The following RGS20 variants were observed in gnomAD, a reference collection of about 807,000 sequenced individuals.
RGS20 encodes the protein regulator of G protein signaling 20, also known as gz-selective GTPase-activating protein.
A neutral mutation model predicts 33.6 loss-of-function variants in RGS20; 30 were observed. The observed-to-expected ratio is 0.89, with a 90% CI of 0.67 to 1.21. The LOEUF (loss-of-function observed/expected upper bound fraction) is 1.21. RGS20 is among the 50% of genes most tolerant of loss of function. RGS20 has a pLI of 0.00. For synonymous variants in RGS20, 208 were observed against 197.9 expected, an observed-to-expected ratio of 1.05 and a Z score of -0.43; for missense variants, 472 against 502.4, an observed-to-expected ratio of 0.94 and a Z score of 0.58.
intron 1 of RGS20, among the ~76,000 whole-genome samples, chr8:53,854,197 A>T (rs553845211): frequency 1.3e-5 from 2 of 152,324 alleles, no homozygotes; most frequent in South Asian, 4.1e-4. Context: ...GACACCAAAA[A>T]ATCATGATCC....
chr8:53,878,600 C>T (rs193146393), intron 1 of RGS20, among the ~76,000 whole-genome samples: 1 of 152,286 alleles, frequency 6.6e-6, no homozygotes, highest in Non-Finnish European at 1.5e-5. Flanking sequence ...CCGGTGTCCC[C>T]AGCTCCACGC....
intron 1 of RGS20, among the ~76,000 whole-genome samples, chr8:53,870,020 G>T (rs1285151957): frequency 6.6e-6 from 1 of 152,176 alleles, no homozygotes; most frequent in Admixed American, 6.5e-5. Flanking sequence ...AGATGGGGGA[G>T]TAGGAGTGAT....
intron 2 of RGS20, among the ~76,000 whole-genome samples, chr8:53,888,638 G>A (rs867601359): frequency 6.6e-6 from 1 of 152,006 alleles, no homozygotes; most frequent in South Asian, 2.1e-4. Flanking sequence ...GTCCTCTGGG[G>A]CCAAAATCAC....
intron 2 of RGS20, among the ~76,000 whole-genome samples, chr8:53,906,152 A>G (rs1233674066): frequency 2.0e-5 from 3 of 152,160 alleles, no homozygotes; most frequent in East Asian, 3.9e-4. Context: ...GCGGTGGTTC[A>G]TGCTTGTAAT....
intron 1 of RGS20, among the ~76,000 whole-genome samples, chr8:53,867,281 C>T (rs1473737597): frequency 6.6e-6 from 1 of 152,078 alleles, no homozygotes; most frequent in Non-Finnish European, 1.5e-5. Context: ...AAAAAATATT[C>T]TGAGCAACTC....
intron 2 of RGS20, among the ~76,000 whole-genome samples, chr8:53,898,643 T>C (rs1356924806): frequency 2.6e-5 from 4 of 152,386 alleles, no homozygotes; most frequent in South Asian, 4.1e-4. Flanking sequence ...ATGTATGAGA[T>C]TGAATACAGT....
intron 2 of RGS20, among the ~76,000 whole-genome samples, chr8:53,884,679 A>G (rs1258228040): frequency 6.6e-6 from 1 of 152,198 alleles, no homozygotes; most frequent in South Asian, 2.1e-4. Context: ...CTTACACACC[A>G]CACTGCTGAT....
At chr8:53,883,622 C>T (rs905022879) in intron 2 of RGS20, among the ~76,000 whole-genome samples, 1 of 152,082 alleles carries the variant, frequency 6.6e-6, no homozygotes, top group Admixed American at 6.6e-5. Flanking sequence ...GTTTCATCAT[C>T]TGTGAAATGG....
intron 1 of RGS20, among the ~76,000 whole-genome samples, chr8:53,866,582 A>G (rs1220047820): frequency 6.6e-6 from 1 of 151,890 alleles, no homozygotes; most frequent in East Asian, 1.9e-4. Context: ...GGGTTTCACC[A>G]TTTTGGCCAG....
At chr8:53,879,959 G>T in intron 2 of RGS20, 1 of 254,304 alleles carries the variant, frequency 3.9e-6, no homozygotes, top group Non-Finnish European at 7.4e-6. Flanking sequence ...GCCTCCGCCT[G>T]CTCCCAGCGC....
At position 53,958,649 on chromosome 8, in the gene RGS20, G is replaced by GAA; in HGVS notation, c.*201_*202dup. 1.1e-4 allele frequency: 29 copies of GAA among 271,698 alleles called. No individual in the cohort carries two copies. The highest frequency in any genetic ancestry group is 1.3e-4 in the Non-Finnish European group (20 of 152,074). The allele number at this position is 271,698 out of a possible 1,614,324, so 16.8% of individuals were successfully genotyped here. A position where few individuals can be genotyped will look rare whatever the true frequency, so the allele number is the denominator to read the frequency against. On this transcript the variant is annotated 3_prime_UTR_variant, in exon 6 of 6. Transcript: ENST00000297313. ...TGCAGCCACCTTTAGTGATACTTTTGAAAAAAAAAAATAAAGGGATATGGC... is the reference window on the plus strand; with the variant it reads ...TGCAGCCACCTTTAGTGATACTTTTGAAAAAAAAAAAAATAAAGGGATATGGC...
At chr8:53,932,370 C>A (rs1405732139) in intron 2 of RGS20, among the ~76,000 whole-genome samples, 1 of 152,188 alleles carries the variant, frequency 6.6e-6, no homozygotes, top group Non-Finnish European at 1.5e-5. Flanking sequence ...AAGCTAAGAT[C>A]CAATGGCTTG....
At position 53,877,268 on chromosome 8, in the gene RGS20, C is replaced by T. The variant is rs557920046; in HGVS notation, c.166-1990C>T. The stretch of plus-strand genomic sequence containing the variant: ...AACCCGGCTGGTCCTCTCTCGACTT[C>T]TTAGCGTGGGGTCCCGCCGGCCCTG... On this transcript the variant is annotated intron_variant, in intron 1 of 5. Coordinates refer to ENST00000297313, the MANE Select transcript of RGS20 (RefSeq NM_170587.4). This position sits in a 1 kb window ranked among gnomAD's most constrained non-coding sequence, Gnocchi z 5.7. Among the ~76,000 whole-genome samples, 26 of 152,338 alleles carry T rather than the reference C, an allele frequency of 1.7e-4. 1 individual carries two copies. The East Asian group carries it at 4.6e-3, about 27-fold the overall frequency.
Position 53,901,053 on chromosome 8 carries a change from T to C in RGS20, c.510+21451T>C, listed in dbSNP as rs1454055861. ...CAACAGCAACATGCCCTGGCCTTCA[T>C]ACTTGTCTCTTTTTTTTTTTTTTTT... On this transcript the variant is annotated intron_variant, in intron 2 of 5. Coordinates refer to ENST00000297313, the MANE Select transcript of RGS20 (RefSeq NM_170587.4). Among the ~76,000 whole-genome samples the C allele has an allele frequency of 5.4e-5, 8 of 149,288 alleles. No homozygotes were observed. The East Asian group carries it at 7.8e-4, about 15-fold the overall frequency.
chr8:53,904,546 G>A (rs1813114984), intron 2 of RGS20, among the ~76,000 whole-genome samples: 2 of 152,196 alleles, frequency 1.3e-5, no homozygotes. Flanking sequence ...TCCTTGCTGG[G>A]AAACAGTAAA....
chr8:53,890,486 T>G (rs1812683482), intron 2 of RGS20, among the ~76,000 whole-genome samples: 1 of 152,216 alleles, frequency 6.6e-6, no homozygotes, highest in Non-Finnish European at 1.5e-5. Flanking sequence ...GTAGACATTG[T>G]ATATAAAGAA....
At chr8:53,868,320 A>C (rs1365410410) in intron 1 of RGS20, among the ~76,000 whole-genome samples, 1 of 152,094 alleles carries the variant, frequency 6.6e-6, no homozygotes, top group Non-Finnish European at 1.5e-5. Context: ...CAAGAATATC[A>C]CTCTCATAGA....
At chr8:53,917,826 A>C (rs1157129071) in intron 2 of RGS20, among the ~76,000 whole-genome samples, 2 of 152,254 alleles carry the variant, frequency 1.3e-5, no homozygotes, top group Admixed American at 6.5e-5. Context: ...CCATCATCAT[A>C]ATCTAATTTT....
intron 1 of RGS20, among the ~76,000 whole-genome samples, chr8:53,860,981 G>C (rs1811797540): frequency 6.6e-6 from 1 of 151,204 alleles, no homozygotes; most frequent in Non-Finnish European, 1.5e-5. Flanking sequence ...AAAAAAAAAA[G>C]ATCAATCAGC....
Sources: allele counts gnomAD v4.1 joint callset (sites outside exome capture counted in the v4.1 genomes callset), GRCh38; gene constraint gnomAD v4.1.1; non-coding constraint Gnocchi (gnomAD v3.1); transcripts MANE v1.5; gene names NCBI Gene and HGNC (gene_info 2026-07-23, HGNC 2026-07-21).